TMEM138: variants seen among roughly 807,000 people sequenced by gnomAD.
TMEM138 encodes the protein transmembrane protein 138.
TMEM138 carries 9 observed loss-of-function variants against 18.1 expected under a neutral mutation model. The observed-to-expected ratio is 0.50, with a 90% CI of 0.30 to 0.87. The LOEUF is 0.87. TMEM138 is among the 40% of genes least tolerant of loss of function. The pLI, the probability that TMEM138 is intolerant of heterozygous loss-of-function variation, is 0.06. For missense variants in TMEM138, 189 were observed against 190.6 expected (o/e 0.99, Z 0.05); for synonymous variants, 79 against 74.8 (o/e 1.06, Z -0.29).
At chr11:61,376,585 G>C (rs1858438715), downstream of TMEM138, among the ~76,000 whole-genome samples, 2 of 151,778 alleles carry the variant, frequency 1.3e-5, no homozygotes, top group Admixed American at 1.3e-4. Flanking sequence ...CTTTCATAAA[G>C]CCCTGCAAAC....
chr11:61,370,637 T>C (rs1664102323), downstream of TMEM138, among the ~76,000 whole-genome samples: 2 of 152,188 alleles, frequency 1.3e-5, no homozygotes, highest in South Asian at 4.1e-4. Flanking sequence ...ATTCACCCAG[T>C]CTCTCACACC....
rs755251825 is a variant in TMEM138 at position 61,366,103 on chromosome 11, A to G, written c.187A>G (p.Thr63Ala). Residue 63 changes from threonine to alanine, a missense_variant, in exon 3 of 5, where the codon ACC (threonine) becomes GCC (alanine). By Grantham distance (58) the Thr-to-Ala change is moderately conservative. Transcript: ENST00000278826. ...CATCATTTTCCTCATGTTCTTCAACACCTTCGTCTTCCAGGCTGGCCTGGT... is the reference window on the plus strand; with the variant it reads ...CATCATTTTCCTCATGTTCTTCAACGCCTTCGTCTTCCAGGCTGGCCTGGT... The part of the protein sequence containing the change: ...IIIIFLMFFN[T>A]FVFQAGLVNL... The G allele has an allele frequency of 5.1e-5, 82 of 1,614,020 alleles. No individual in the cohort carries two copies. Among genetic ancestry groups the G allele is most frequent in the Non-Finnish European group, 6.9e-5 (82 of 1,180,026 alleles).
downstream of TMEM138, among the ~76,000 whole-genome samples, chr11:61,369,993 A>G (rs565014544): frequency 4.6e-5 from 7 of 152,242 alleles, no homozygotes; most frequent in Non-Finnish European, 7.3e-5. Flanking sequence ...TCTCATTGCT[A>G]TAGAAATTGA....
At chr11:61,364,848 TCATGCCA>T in intron 2 of TMEM138, 1 of 165,730 alleles carries the variant, frequency 6.0e-6, no homozygotes, top group African/African-American at 2.5e-5. Context: ...TGAGCCATGA[TCATGCCA>T]CTGCACTCCA....
downstream of TMEM138, among the ~76,000 whole-genome samples, chr11:61,375,027 G>A (rs559553768): frequency 6.6e-6 from 1 of 152,262 alleles, no homozygotes; most frequent in Non-Finnish European, 1.5e-5. Context: ...TTTAGAGACT[G>A]TCACATCAGA....
chr11:61,371,475 T>C (rs528525910), downstream of TMEM138, among the ~76,000 whole-genome samples: 1 of 152,200 alleles, frequency 6.6e-6, no homozygotes, highest in Non-Finnish European at 1.5e-5. Context: ...CTTTGAACCC[T>C]TTCAAGATGT....
chr11:61,367,230 C>T (rs1052329828), intron 3 of TMEM138: 4 of 152,220 alleles, frequency 2.6e-5, no homozygotes, highest in Admixed American at 1.3e-4. Context: ...TAACATAGGC[C>T]TCAGATCAGA....
rs1858265504 is a variant in TMEM138, at chr11:61,369,034, A to C, written c.*325A>C. On this transcript the variant is annotated 3_prime_UTR_variant, in exon 5 of 5. Coordinates refer to ENST00000278826, the MANE Select transcript of TMEM138 (RefSeq NM_016464.5). ...CTTACCCTTGTGAAGCTTTTCCTTT[A>C]GCCTGGGACAGAAGGACCTCCCAGC... 1 of 270,274 alleles carries C rather than the reference A, an allele frequency of 3.7e-6. No individual in the cohort carries two copies. The highest frequency in any genetic ancestry group is 7.2e-6 in the Non-Finnish European group (1 of 138,498). 16.7% of individuals were successfully genotyped at this position (270,274 alleles called of 1,614,324 possible). A position where few individuals can be genotyped will look rare whatever the true frequency, so the allele number is the denominator to read the frequency against.
chr11:61,376,346 C>G (rs1488830620), downstream of TMEM138, among the ~76,000 whole-genome samples: 2 of 150,906 alleles, frequency 1.3e-5, no homozygotes. Flanking sequence ...AAGACTCTGT[C>G]TCAAAAAAAA....
Position 61,364,346 on chromosome 11 carries a change from G to A in TMEM138, c.-45G>A, listed in dbSNP as rs1262527838. 2 of 1,607,206 alleles carry A rather than the reference G, an allele frequency of 1.2e-6. No individual in the cohort carries two copies. The highest frequency in any genetic ancestry group is 1.7e-6 in the Non-Finnish European group (2 of 1,175,752). On this transcript the variant is annotated 5_prime_UTR_variant, in exon 2 of 5. Transcript: ENST00000278826. ...GAGACAGCCAGGAGCGGTTTTCTGG[G>A]AACTGTGGGATGTGCCCTTGGGGGC...
At chr11:61,371,424 G>C (rs1047366458), downstream of TMEM138, among the ~76,000 whole-genome samples, 2 of 152,142 alleles carry the variant, frequency 1.3e-5, no homozygotes, top group African/African-American at 2.4e-5. Context: ...AAAGCCTCAG[G>C]CATCCTTAGA....
intron 3 of TMEM138, 190 bp from the exon 4 acceptor site, chr11:61,367,733 T>G: frequency 1.7e-6 from 1 of 605,254 alleles, no homozygotes. Flanking sequence ...TCCCTCAAAG[T>G]TAAAAGATAT....
intron 2 of TMEM138, 28 bp from the exon 3 acceptor site, chr11:61,366,017 T>C: frequency 6.3e-7 from 1 of 1,598,280 alleles, no homozygotes; most frequent in Non-Finnish European, 8.5e-7. Context: ...CAGGCCTTCA[T>C]TGGTTGTACT....
chr11:61,371,256 A>G (rs1565081849), downstream of TMEM138, among the ~76,000 whole-genome samples: 1 of 152,044 alleles, frequency 6.6e-6, no homozygotes, highest in Non-Finnish European at 1.5e-5. Flanking sequence ...GATGGTCTCG[A>G]TCTCCTGACC....
In TMEM138 at chr11:61,369,183, G is replaced by C. The variant is rs970299934; in HGVS notation, c.*474G>C. 6.4e-6 allele frequency: 1 copy of C among 155,400 alleles called. No homozygotes were observed. The highest frequency in any genetic ancestry group is 2.4e-5 in the African/African-American group (1 of 41,478). 9.6% of individuals were successfully genotyped at this position (155,400 alleles called of 1,614,324 possible). Reference sequence around the variant, plus strand: ...ACTTTAAAAAAATGTTTTATAAATAGAGAATAAATTGAATTCTTGTTCCAT... The same window carrying C: ...ACTTTAAAAAAATGTTTTATAAATACAGAATAAATTGAATTCTTGTTCCAT... On this transcript the variant is annotated 3_prime_UTR_variant, in exon 5 of 5. Transcript: ENST00000278826.
chr11:61,374,676 G>A (rs535887621), downstream of TMEM138, among the ~76,000 whole-genome samples: 20 of 152,270 alleles, frequency 1.3e-4, no homozygotes, highest in South Asian at 1.9e-3. Flanking sequence ...TAGGCCAGGC[G>A]TGGTGACTCA....
intron 3 of TMEM138, 101 bp from the exon 4 acceptor site, chr11:61,367,822 A>G: frequency 1.3e-6 from 1 of 749,142 alleles, no homozygotes; most frequent in Non-Finnish European, 2.4e-6. Flanking sequence ...GGAAGAGGTT[A>G]GCATGATTTT....
At chr11:61,370,462 C>A (rs1163769525), downstream of TMEM138, among the ~76,000 whole-genome samples, 1 of 152,166 alleles carries the variant, frequency 6.6e-6, no homozygotes, top group Non-Finnish European at 1.5e-5. Context: ...GTGGATACAT[C>A]AGCAAGGTAG....
At chr11:61,368,458 C>G (rs1858232690) in intron 4 of TMEM138, 139 bp from the exon 5 acceptor site, 1 of 611,306 alleles carries the variant, frequency 1.6e-6, no homozygotes, top group African/African-American at 1.8e-5. Context: ...CGATCTCTGA[C>G]CTCATGATCC....
Sources: allele counts gnomAD v4.1 joint callset (sites outside exome capture counted in the v4.1 genomes callset), GRCh38; gene constraint gnomAD v4.1.1; transcripts MANE v1.5; gene names NCBI Gene and HGNC (gene_info 2026-07-23, HGNC 2026-07-21).